CNTN6: variants seen among roughly 807,000 people sequenced by gnomAD.
The protein encoded by CNTN6 is contactin 6.
A neutral mutation model predicts 122.8 loss-of-function variants in CNTN6; 137 were observed. The ratio of observed to expected loss-of-function variants is 1.12; its 90% confidence interval spans 0.97 to 1.29. The LOEUF (loss-of-function observed/expected upper bound fraction) is 1.29, where lower values mean the gene tolerates loss of function less well. Ranked by LOEUF, CNTN6 falls within the 50% of genes most tolerant of loss-of-function variation. CNTN6 has a pLI of 0.00. For synonymous variants in CNTN6, 570 were observed against 426.0 expected (o/e 1.34, Z -4.16); for missense variants, 1,634 against 1,223.4 (o/e 1.34, Z -5.01).
At chr3:1,183,558 T>C (rs2093588515) in intron 2 of CNTN6, among the ~76,000 whole-genome samples, 1 of 152,158 alleles carries the variant, frequency 6.6e-6, no homozygotes, top group Admixed American at 6.6e-5. Context: ...TGGCATTACT[T>C]ATTTTCTGCA....
At chr3:1,142,598 T>C (rs1022255813) in intron 1 of CNTN6, among the ~76,000 whole-genome samples, 3 of 151,984 alleles carry the variant, frequency 2.0e-5, no homozygotes, top group Non-Finnish European at 2.9e-5. Context: ...TTCCAGAAGC[T>C]CGAAAGCCAG....
At chr3:1,280,848 G>C (rs574604921) in intron 5 of CNTN6, among the ~76,000 whole-genome samples, 2 of 152,154 alleles carry the variant, frequency 1.3e-5, no homozygotes, top group East Asian at 3.9e-4. Context: ...TGCTGTTAAG[G>C]TCCCTGTTTC....
chr3:1,389,537 A>G (rs558987164), intron 20 of CNTN6, among the ~76,000 whole-genome samples: 49 of 152,282 alleles, frequency 3.2e-4, no homozygotes, highest in African/African-American at 1.1e-3. Flanking sequence ...ACATCATAAT[A>G]TGACAGGATC....
At chr3:1,331,839 A>AG (rs957558631) in intron 11 of CNTN6, among the ~76,000 whole-genome samples, 4 of 145,998 alleles carry the variant, frequency 2.7e-5, no homozygotes, top group Admixed American at 6.8e-5. Context: ...TGAGAGAGAG[A>AG]AAAAAAAAAG....
intron 12 of CNTN6, among the ~76,000 whole-genome samples, chr3:1,368,109 A>G (rs921980028): frequency 2.6e-5 from 4 of 152,220 alleles, no homozygotes; most frequent in Admixed American, 1.3e-4. Flanking sequence ...CCAGTCAATG[A>G]TAAGAACATT....
Position 1,372,967 on chromosome 3 carries a change from T to C in CNTN6, c.1786+12T>C. 1 of 1,457,892 alleles carries C rather than the reference T, an allele frequency of 6.9e-7. No homozygotes were observed. Among genetic ancestry groups the C allele is most frequent in the Non-Finnish European group, 9.5e-7 (1 of 1,048,468 alleles). The allele number at this position is 1,457,892 out of a possible 1,614,324, so 90.3% of individuals were successfully genotyped here. A position where few individuals can be genotyped will look rare whatever the true frequency, so the allele number is the denominator to read the frequency against. On this transcript the variant is annotated intron_variant, in intron 14 of 22. Coordinates refer to ENST00000446702, the MANE Select transcript of CNTN6 (RefSeq NM_001289080.2). ...TATCATTGTTAGAGGTAAGCATAAATGGTGAAAAAGTGATCACATTGTTTC... is the reference window on the plus strand; with the variant it reads ...TATCATTGTTAGAGGTAAGCATAAACGGTGAAAAAGTGATCACATTGTTTC...
chr3:1,352,165 G>C (rs988316218), intron 11 of CNTN6, among the ~76,000 whole-genome samples, 159 bp from the exon 12 acceptor site: 1 of 151,816 alleles, frequency 6.6e-6, no homozygotes, highest in Admixed American at 6.6e-5. Flanking sequence ...TGTAGACTCA[G>C]AGATAGCTCA....
chr3:1,118,336 A>G (rs1260681080), intron 1 of CNTN6, among the ~76,000 whole-genome samples: 1 of 152,186 alleles, frequency 6.6e-6, no homozygotes. Flanking sequence ...TAACCTGTAT[A>G]TGACCTGTAC....
At chr3:1,166,457 A>G (rs2125271517) in intron 2 of CNTN6, among the ~76,000 whole-genome samples, 1 of 152,330 alleles carries the variant, frequency 6.6e-6, no homozygotes, top group East Asian at 1.9e-4. Flanking sequence ...ACATCCTAGA[A>G]GCTTCTGGTC....
intron 1 of CNTN6, among the ~76,000 whole-genome samples, chr3:1,099,106 T>C (rs752401735): frequency 6.6e-6 from 1 of 152,046 alleles, no homozygotes; most frequent in East Asian, 1.9e-4. Context: ...AGCAAACTTA[T>C]TTAACTTGTG....
At chr3:1,287,423 C>G (rs1559715816) in intron 5 of CNTN6, among the ~76,000 whole-genome samples, 1 of 152,158 alleles carries the variant, frequency 6.6e-6, no homozygotes, top group Non-Finnish European at 1.5e-5. Flanking sequence ...CAGCCCATCT[C>G]TTACATTCAC....
At chr3:1,163,328 T>C (rs116783149) in intron 2 of CNTN6, among the ~76,000 whole-genome samples, 1,777 of 152,272 alleles carry the variant, frequency 0.012, 41 homozygotes, top group African/African-American at 0.04. Flanking sequence ...AGGAACATAG[T>C]CACAAATGGA....
At chr3:1,131,671 T>C (rs553243650) in intron 1 of CNTN6, among the ~76,000 whole-genome samples, 1 of 152,232 alleles carries the variant, frequency 6.6e-6, no homozygotes, top group South Asian at 2.1e-4. Flanking sequence ...GAGGTGGTCA[T>C]TCATCATTCT....
chr3:1,332,529 A>AGGAG (rs1553687755), intron 11 of CNTN6, among the ~76,000 whole-genome samples: 3 of 97,380 alleles, frequency 3.1e-5, no homozygotes, highest in Non-Finnish European at 4.2e-5. Flanking sequence ...GAAGGAAGGA[A>AGGAG]GGAGGGAGGG....
At chr3:1,371,471 T>A (rs1282208296) in intron 12 of CNTN6, among the ~76,000 whole-genome samples, 4 of 152,118 alleles carry the variant, frequency 2.6e-5, no homozygotes, top group African/African-American at 9.7e-5. Context: ...TCATAGATAT[T>A]GAGTTGCTCT....
At chr3:1,221,974 C>A (rs2094213396) in intron 3 of CNTN6, among the ~76,000 whole-genome samples, 1 of 151,996 alleles carries the variant, frequency 6.6e-6, no homozygotes, top group Non-Finnish European at 1.5e-5. Context: ...TTATTTAGAT[C>A]CTAAAATTGT....
chr3:1,308,537 ATG>A (rs1698726886), intron 7 of CNTN6, among the ~76,000 whole-genome samples: 1 of 152,052 alleles, frequency 6.6e-6, no homozygotes, highest in Non-Finnish European at 1.5e-5. Flanking sequence ...GAAAAGAAGT[ATG>A]TGTGTCTATA....
intron 11 of CNTN6, 64 bp downstream of exon 11, chr3:1,329,999 GT>G: frequency 1.6e-6 from 2 of 1,273,196 alleles, no homozygotes; most frequent in Non-Finnish European, 2.1e-6. Flanking sequence ...AAATTTTTAG[GT>G]TTTAGTAGGC....
At chr3:1,136,074 T>C (rs1014669632) in intron 1 of CNTN6, among the ~76,000 whole-genome samples, 4 of 152,194 alleles carry the variant, frequency 2.6e-5, no homozygotes, top group African/African-American at 9.7e-5. Context: ...CCAATTTTCC[T>C]GACCACTTTT....
Sources: allele counts gnomAD v4.1 joint callset (sites outside exome capture counted in the v4.1 genomes callset), GRCh38; gene constraint gnomAD v4.1.1; transcripts MANE v1.5; gene names NCBI Gene and HGNC (gene_info 2026-07-23, HGNC 2026-07-21).